OCA2: variants seen among roughly 807,000 people sequenced by gnomAD.
The protein encoded by OCA2 is P protein.
In OCA2, 77 loss-of-function variants were observed where a neutral mutation model predicts 100.2. The observed-to-expected ratio is 0.77, with a 90% confidence interval of 0.64 to 0.93. The LOEUF is 0.93. OCA2 is among the 40% of genes least tolerant of loss of function. The pLI is 0.00. For missense variants in OCA2, 1,062 were observed against 1,089.1 expected (o/e 0.98, Z 0.35); for synonymous variants, 432 against 439.2 (o/e 0.98, Z 0.21).
chr15:28,066,930 T>C (rs2044042562), intron 2 of OCA2, among the ~76,000 whole-genome samples: 1 of 152,230 alleles, frequency 6.6e-6, no homozygotes, highest in Non-Finnish European at 1.5e-5. Flanking sequence ...TCAAAAAATC[T>C]TTTAATCTAC....
intron 1 of OCA2, among the ~76,000 whole-genome samples, chr15:28,096,349 T>G (rs1188606081): frequency 6.6e-6 from 1 of 152,108 alleles, no homozygotes; most frequent in Non-Finnish European, 1.5e-5. Context: ...GTGGTCTGTC[T>G]GTGTCGGGCG....
intron 23 of OCA2, among the ~76,000 whole-genome samples, chr15:27,768,926 A>G (rs2133246): frequency 0.25 from 38,062 of 152,164 alleles, 5,531 homozygotes; most frequent in East Asian, 0.67. Context: ...TGGAGCTTCA[A>G]TGCTTCATGC....
intron 11 of OCA2, 25 bp downstream of exon 11, chr15:27,989,576 G>A: frequency 9.3e-6 from 15 of 1,608,792 alleles, no homozygotes; most frequent in Non-Finnish European, 1.3e-5. Context: ...GTGGAGCCCA[G>A]TCCCACGGGG....
intron 19 of OCA2, among the ~76,000 whole-genome samples, chr15:27,872,151 G>T (rs2036604525): frequency 6.6e-6 from 1 of 152,160 alleles, no homozygotes; most frequent in African/African-American, 2.4e-5. Flanking sequence ...ATCCCTCATT[G>T]ATTTGAGTTA....
chr15:27,780,828 A>C (rs1464914532), intron 23 of OCA2, among the ~76,000 whole-genome samples: 11 of 152,210 alleles, frequency 7.2e-5, no homozygotes, highest in Non-Finnish European at 1.6e-4. Context: ...GGAAATTATC[A>C]ACCATCAAAA....
At chr15:28,067,731 T>C (rs915070650) in intron 2 of OCA2, among the ~76,000 whole-genome samples, 1 of 152,230 alleles carries the variant, frequency 6.6e-6, no homozygotes, top group Non-Finnish European at 1.5e-5. Flanking sequence ...CTTTTGAATT[T>C]ATTGAAACTT....
chr15:27,852,304 T>TA (rs1376276608), intron 21 of OCA2, among the ~76,000 whole-genome samples: 1 of 152,186 alleles, frequency 6.6e-6, no homozygotes, highest in African/African-American at 2.4e-5. Flanking sequence ...CACCACCATT[T>TA]ATTAAATAGG....
chr15:28,039,454 A>C (rs1359801174), intron 2 of OCA2, among the ~76,000 whole-genome samples: 3 of 152,236 alleles, frequency 2.0e-5, no homozygotes, highest in Admixed American at 2.0e-4. Flanking sequence ...ATCTTTTCCA[A>C]TCATAATAGG....
At chr15:27,953,457 G>A (rs2040104537) in intron 17 of OCA2, among the ~76,000 whole-genome samples, 1 of 152,198 alleles carries the variant, frequency 6.6e-6, no homozygotes, top group Admixed American at 6.5e-5. Flanking sequence ...ATGATTCTGT[G>A]CTGAAGAATT....
intron 21 of OCA2, among the ~76,000 whole-genome samples, chr15:27,867,146 G>A (rs779855320): frequency 1.1e-4 from 17 of 152,160 alleles, no homozygotes; most frequent in Non-Finnish European, 2.5e-4. Flanking sequence ...ACTAAAATAG[G>A]TTCTGTTCAC....
chr15:27,867,195 T>C (rs2151478304), intron 21 of OCA2, among the ~76,000 whole-genome samples: 1 of 152,296 alleles, frequency 6.6e-6, no homozygotes, highest in South Asian at 2.1e-4. Flanking sequence ...ACTAGGTGCA[T>C]TACAAACAGA....
At chr15:27,794,358 AC>A (rs1275772274) in intron 23 of OCA2, among the ~76,000 whole-genome samples, 1 of 152,138 alleles carries the variant, frequency 6.6e-6, no homozygotes, top group Non-Finnish European at 1.5e-5. Context: ...GACTTGCTGC[AC>A]CCATTCCAGG....
chr15:27,760,591 A>C (rs990131284), intron 23 of OCA2, among the ~76,000 whole-genome samples: 2 of 152,048 alleles, frequency 1.3e-5, no homozygotes. Context: ...AAAAAGAGAA[A>C]AAAGAGAAAT....
intron 23 of OCA2, among the ~76,000 whole-genome samples, chr15:27,821,861 T>C (rs533579910): frequency 6.6e-6 from 1 of 152,316 alleles, no homozygotes; most frequent in East Asian, 1.9e-4. Context: ...ACACACACTT[T>C]TACATTTGCA....
In OCA2 at chr15:27,950,461, G is replaced by A. The variant is rs575961895; in HGVS notation, c.1951+1323C>T. On this transcript the variant is annotated intron_variant, in intron 18 of 23. Transcript: ENST00000354638. The stretch of plus-strand genomic sequence containing the variant: ...AAATACAATTGAAATTCACAAAATC[G>A]TTACCACTCCAGCTTTGGATCATTA... The A allele has an allele frequency of 1.2e-4, 57 of 472,002 alleles. No homozygotes were observed. The East Asian group carries it at 1.7e-3, about 14-fold the overall frequency. 29.2% of individuals were successfully genotyped at this position (472,002 alleles called of 1,614,324 possible). A position where few individuals can be genotyped will look rare whatever the true frequency, so the allele number is the denominator to read the frequency against.
intron 2 of OCA2, among the ~76,000 whole-genome samples, chr15:28,048,872 G>A (rs937628522): frequency 1.3e-5 from 2 of 152,048 alleles, no homozygotes; most frequent in Non-Finnish European, 2.9e-5. Context: ...GAGGCATGGT[G>A]GCATATACCT....
chr15:27,807,439 T>C (rs2033903255), intron 23 of OCA2, among the ~76,000 whole-genome samples: 1 of 152,178 alleles, frequency 6.6e-6, no homozygotes, highest in Non-Finnish European at 1.5e-5. Flanking sequence ...AGCTTCCCCA[T>C]GTCTTCAGAG....
At chr15:27,784,343 C>T (rs899884522) in intron 23 of OCA2, among the ~76,000 whole-genome samples, 1 of 152,124 alleles carries the variant, frequency 6.6e-6, no homozygotes, top group Non-Finnish European at 1.5e-5. Flanking sequence ...CGAACCAAGT[C>T]CTCCTGGCTA....
downstream of OCA2, among the ~76,000 whole-genome samples, chr15:27,753,175 G>A (rs202183036): frequency 6.6e-6 from 1 of 152,038 alleles, no homozygotes; most frequent in Non-Finnish European, 1.5e-5. Context: ...GCCAATGAAC[G>A]AGAGGTTCCA....
Sources: gnomAD v4.1 joint callset for allele counts (sites outside exome capture counted in the v4.1 genomes callset) on GRCh38, gnomAD v4.1.1 for gene constraint, MANE v1.5 for transcripts, NCBI Gene and HGNC (gene_info 2026-07-23, HGNC 2026-07-21) for gene names.